FRMD4A: variants seen among roughly 807,000 people sequenced by gnomAD.
FRMD4A encodes FERM domain-containing protein 4A.
A neutral mutation model predicts 129.1 loss-of-function variants in FRMD4A; 29 were observed. That is an observed-to-expected ratio of 0.22 (90% CI 0.17 to 0.31). The LOEUF (loss-of-function observed/expected upper bound fraction) is 0.31. FRMD4A is among the 10% of genes least tolerant of loss of function. The pLI, the probability that FRMD4A is intolerant of heterozygous loss-of-function variation, is 1.00. For missense variants in FRMD4A, 1,272 were observed against 1,375.8 expected, an observed-to-expected ratio of 0.92 and a Z score of 1.19; for synonymous variants, 634 against 571.6, an observed-to-expected ratio of 1.11 and a Z score of -1.56.
At position 13,896,739 on chromosome 10, in the gene FRMD4A, T is replaced by C. The variant is rs2094762913; in HGVS notation, c.46-37827A>G. Among the ~76,000 whole-genome samples the C allele has an allele frequency of 3.3e-5, 5 of 151,982 alleles. No homozygotes were observed. The South Asian group carries it at 6.2e-4, about 19-fold the overall frequency. ...GTAAAACTTGATGAATAAAATAAAA[T>C]TGAAACTTAAGTTACCTGGAAATGA... On this transcript the variant is annotated intron_variant, in intron 2 of 24. Transcript: ENST00000357447.
At position 13,656,640 on chromosome 10, in the gene FRMD4A, C is replaced by T; in HGVS notation, c.2949G>A (p.Thr983=). The change falls in exon 22 of 25, where the codon ACG becomes ACA. Residue 983 remains threonine (T), a synonymous_variant. Transcript: ENST00000357447. ...CACCTGGCCGCCCCCTCTCACCTGACGTGGCCTTGCACATCTGGGGCATCC... is the reference window on the plus strand; with the variant it reads ...CACCTGGCCGCCCCCTCTCACCTGATGTGGCCTTGCACATCTGGGGCATCC... ...VTRMPQMCKA[T]SAALPQSQRS... 1 of 1,438,716 alleles carries T rather than the reference C, an allele frequency of 7.0e-7. No individual in the cohort carries two copies. 89.1% of individuals were successfully genotyped at this position (1,438,716 alleles called of 1,614,324 possible).
At chr10:14,322,203 C>T (rs956824716) in intron 2 of FRMD4A, among the ~76,000 whole-genome samples, 1 of 152,036 alleles carries the variant, frequency 6.6e-6, no homozygotes, top group African/African-American at 2.4e-5. Context: ...GACGTGAGTA[C>T]ATAGGAGGGG....
intron 2 of FRMD4A, among the ~76,000 whole-genome samples, chr10:14,261,636 G>C (rs1197597755): frequency 6.6e-6 from 1 of 152,142 alleles, no homozygotes; most frequent in Non-Finnish European, 1.5e-5. Flanking sequence ...ACAACCCTGA[G>C]GGAGGGAGGC....
At chr10:13,752,957 C>T (rs1256740345) in intron 8 of FRMD4A, among the ~76,000 whole-genome samples, 1 of 152,146 alleles carries the variant, frequency 6.6e-6, no homozygotes, top group Non-Finnish European at 1.5e-5. Context: ...TGCCCTAGGC[C>T]CTGCCCAGGG....
chr10:13,755,354 G>C (rs2091815717), intron 8 of FRMD4A, among the ~76,000 whole-genome samples: 1 of 152,122 alleles, frequency 6.6e-6, no homozygotes, highest in South Asian at 2.1e-4. Flanking sequence ...TATAAAGGCA[G>C]AACAGATTTC....
intron 2 of FRMD4A, among the ~76,000 whole-genome samples, chr10:14,128,302 C>T (rs1028273139): frequency 6.6e-6 from 1 of 151,878 alleles, no homozygotes; most frequent in Non-Finnish European, 1.5e-5. Context: ...TAGGGTTTCA[C>T]CATTTTGCCC....
intron 2 of FRMD4A, among the ~76,000 whole-genome samples, chr10:14,142,140 C>T (rs1476343231): frequency 1.3e-5 from 2 of 150,268 alleles, no homozygotes; most frequent in Non-Finnish European, 2.9e-5. Context: ...AAAGCTGCTA[C>T]AAACAAAAAA....
intron 2 of FRMD4A, among the ~76,000 whole-genome samples, chr10:13,986,489 A>G (rs12768977): frequency 0.32 from 33,654 of 105,970 alleles, 5,809 homozygotes; most frequent in East Asian, 0.71. Context: ...ACACTCTGGG[A>G]ACTGTTGTGG....
chr10:13,999,166 C>G (rs1023950796), intron 2 of FRMD4A, among the ~76,000 whole-genome samples: 1 of 152,106 alleles, frequency 6.6e-6, no homozygotes, highest in African/African-American at 2.4e-5. Flanking sequence ...ATCTCCCTCC[C>G]TGTCCTTCCT....
At chr10:13,834,151 C>G (rs1284283297) in intron 3 of FRMD4A, among the ~76,000 whole-genome samples, 1 of 152,080 alleles carries the variant, frequency 6.6e-6, no homozygotes, top group East Asian at 1.9e-4. Flanking sequence ...GTAATTCCAG[C>G]TACTTGGGAG....
intron 2 of FRMD4A, among the ~76,000 whole-genome samples, chr10:13,994,307 G>A (rs997481571): frequency 2.0e-5 from 3 of 151,250 alleles, no homozygotes; most frequent in African/African-American, 7.3e-5. Context: ...AGCCTCCCGA[G>A]TAGCTGGGAC....
intron 2 of FRMD4A, among the ~76,000 whole-genome samples, chr10:13,924,430 T>C (rs1360115808): frequency 6.7e-6 from 1 of 150,230 alleles, no homozygotes; most frequent in Non-Finnish European, 1.5e-5. Flanking sequence ...TTCCCAGTCA[T>C]CAGAAAAGCC....
At chr10:14,023,004 T>G (rs1057018999) in intron 2 of FRMD4A, among the ~76,000 whole-genome samples, 1 of 151,918 alleles carries the variant, frequency 6.6e-6, no homozygotes, top group Non-Finnish European at 1.5e-5. Context: ...CAAGAGTGAC[T>G]CCACAGCCAT....
At chr10:13,984,114 G>A (rs2095572549) in intron 2 of FRMD4A, among the ~76,000 whole-genome samples, 1 of 152,104 alleles carries the variant, frequency 6.6e-6, no homozygotes, top group African/African-American at 2.4e-5. Context: ...GTCTGACCAC[G>A]GTGAAGTGGC....
At chr10:13,787,995 G>A (rs903797528) in intron 5 of FRMD4A, among the ~76,000 whole-genome samples, 4 of 152,094 alleles carry the variant, frequency 2.6e-5, no homozygotes, top group Non-Finnish European at 4.4e-5. Flanking sequence ...GGTTCACAAA[G>A]AACATTCCAG....
At position 13,813,754 on chromosome 10, in the gene FRMD4A, G is replaced by A. The variant is rs186256207; in HGVS notation, c.112-2846C>T. Reference sequence around the variant, plus strand: ...TCTTGTGACTGTATGGCTGAGCAGCGCTGCCAGAGCGTATTGTACCGCGTA... The same window carrying A: ...TCTTGTGACTGTATGGCTGAGCAGCACTGCCAGAGCGTATTGTACCGCGTA... On this transcript the variant is annotated intron_variant, in intron 3 of 24. Coordinates refer to ENST00000357447, the MANE Select transcript of FRMD4A (RefSeq NM_018027.5). Among the ~76,000 whole-genome samples the A allele has an allele frequency of 4.7e-4, 72 of 152,310 alleles. No individual in the cohort carries two copies. In the South Asian group the frequency reaches 8.7e-3, roughly 18 times the overall value.
chr10:14,275,777 A>G (rs574718261), intron 2 of FRMD4A, among the ~76,000 whole-genome samples: 9 of 152,196 alleles, frequency 5.9e-5, no homozygotes, highest in African/African-American at 2.2e-4. Context: ...GGCAGCTCAC[A>G]TCTGTAATCC....
At chr10:13,713,969 T>C (rs1161210935) in intron 12 of FRMD4A, among the ~76,000 whole-genome samples, 1 of 132,590 alleles carries the variant, frequency 7.5e-6, no homozygotes, top group Non-Finnish European at 1.6e-5. Flanking sequence ...ATATAATATA[T>C]ACATATATGT....
chr10:14,048,824 T>TTAGAATAGAATAGAATAGAA (rs147080415), intron 2 of FRMD4A, among the ~76,000 whole-genome samples: 29 of 122,066 alleles, frequency 2.4e-4, no homozygotes, highest in East Asian at 7.6e-4. Flanking sequence ...ATAGAATAGA[T>TTAGAATAGAATAGAATAGAA]TAGAATAGAA....
Sources: gnomAD v4.1 joint callset for allele counts (sites outside exome capture counted in the v4.1 genomes callset) on GRCh38, gnomAD v4.1.1 for gene constraint, MANE v1.5 for transcripts, NCBI Gene and HGNC (gene_info 2026-07-23, HGNC 2026-07-21) for gene names.